The following MYO9B variants were observed in gnomAD, a reference collection of about 807,000 sequenced individuals.
The protein encoded by MYO9B is unconventional myosin-IXb.
A neutral mutation model predicts 229.5 loss-of-function variants in MYO9B; 71 were observed. The observed-to-expected ratio is 0.31, with a 90% CI of 0.26 to 0.38. The LOEUF (loss-of-function observed/expected upper bound fraction) is 0.38. Among genes scored for constraint, MYO9B ranks in the 10% least tolerant of loss-of-function variants. MYO9B has a pLI of 1.00. For synonymous variants in MYO9B, 1,185 were observed against 1,235.8 expected (o/e 0.96, Z 0.86); for missense variants, 2,255 against 2,920.5 (o/e 0.77, Z 5.25).
chr19:17,204,723 T>C lies in MYO9B; in HGVS notation c.4991-540T>C, dbSNP rs1375611396. Reference sequence around the variant, plus strand: ...TTAGCCAGGCACGGTGGTGCACGCCTGTAGTGCCAGCTACTTGGGAGGATC... The same window carrying C: ...TTAGCCAGGCACGGTGGTGCACGCCCGTAGTGCCAGCTACTTGGGAGGATC... On this transcript the variant is annotated intron_variant, in intron 30 of 39. Coordinates refer to ENST00000682292, the MANE Select transcript of MYO9B (RefSeq NM_004145.4). Among the ~76,000 whole-genome samples, 144 of 152,214 alleles carry C rather than the reference T, an allele frequency of 9.5e-4. 1 individual carries two copies. Among genetic ancestry groups the C allele is most frequent in the Non-Finnish European group, 2.1e-4 (14 of 68,012 alleles).
intron 22 of MYO9B, among the ~76,000 whole-genome samples, chr19:17,197,435 G>GATAGATAGATAGATAGATAC (rs1568297828): frequency 6.6e-6 from 1 of 151,456 alleles, no homozygotes; most frequent in Non-Finnish European, 1.5e-5. Flanking sequence ...TAGATAGATA[G>GATAGATAGATAGATAGATAC]ATAGATAGAT....
intron 17 of MYO9B, among the ~76,000 whole-genome samples, chr19:17,185,526 A>G (rs148086623): frequency 0.014 from 2,126 of 151,322 alleles, 46 homozygotes; most frequent in African/African-American, 0.05. Context: ...AGCTTGGGCA[A>G]CAAGAGCAAG....
intron 4 of MYO9B, among the ~76,000 whole-genome samples, chr19:17,152,951 T>C (rs934882968): frequency 1.3e-5 from 2 of 152,266 alleles, no homozygotes; most frequent in South Asian, 2.1e-4. Flanking sequence ...ATCCCCAGTA[T>C]GTGCTCAGAT....
chr19:17,211,953 C>T lies in MYO9B; in HGVS notation c.6117C>T (p.Thr2039=), dbSNP rs1396303260. The part of the protein sequence containing the change: ...PGAPTPSPLP[T]VAAPPRRRPS... ...CGCCCACCCCGAGCCCCCTCCCCAC[C>T]GTGGCCGCCCCTCCACGACGAAGGC... The change falls in exon 40 of 40, where the codon ACC becomes ACT. Residue 2039 remains threonine (T), a synonymous_variant. Coordinates refer to ENST00000682292, the MANE Select transcript of MYO9B (RefSeq NM_004145.4). The T allele has an allele frequency of 5.8e-6, 9 of 1,555,252 alleles. No individual in the cohort carries two copies. Among genetic ancestry groups the T allele is most frequent in the East Asian group, 2.3e-5 (1 of 43,106 alleles).
Position 17,182,888 on chromosome 19 carries a change from C to T in MYO9B, c.2334-941C>T, listed in dbSNP as rs559955208. 3.0e-4 allele frequency among the ~76,000 whole-genome samples: 45 copies of T among 152,246 alleles called. No individual in the cohort carries two copies. In the South Asian group the frequency reaches 9.1e-3, roughly 31 times the overall value. ...AGGTGTCTGAGAACACAGGAGCTAT[C>T]CCCTTCCTTACCTCGGCCAAAAGAG... On this transcript the variant is annotated intron_variant, in intron 15 of 39. Transcript: ENST00000682292.
chr19:17,175,680 GC>G lies in MYO9B; in HGVS notation c.2161del (p.Gln721LysfsTer26). On this transcript the variant is annotated frameshift_variant, in exon 14 of 40. Transcript: ENST00000682292. LOFTEE classifies it high-confidence loss of function. The stretch of plus-strand genomic sequence containing the variant: ...TCCGGCAGGTATGAGCAGCCCTGGT[GC>G]CCAAAGTCACCCAGAAGAGCTGCCA... ...EKAAGMSSPG[A>X]QSHPEELPRG... 1 of 1,575,114 alleles carries G rather than the reference GC, an allele frequency of 6.3e-7. No homozygotes were observed. Among genetic ancestry groups the G allele is most frequent in the South Asian group, 1.2e-5 (1 of 85,534 alleles).
chr19:17,208,338 C>CAA lies in MYO9B; in HGVS notation c.5624+1109_5624+1110dup, dbSNP rs1268847351. ...TGGGCGACAGAGCGAGACTCCGTCTCAAAAAAAAAAAAAAAATCCAGATGG... is the reference window on the plus strand; with the variant it reads ...TGGGCGACAGAGCGAGACTCCGTCTCAAAAAAAAAAAAAAAAAATCCAGATGG... On this transcript the variant is annotated intron_variant, in intron 35 of 39. Transcript: ENST00000682292. Among the ~76,000 whole-genome samples the CAA allele has an allele frequency of 4.1e-3, 206 of 50,770 alleles. 6 individuals carry two copies. Among genetic ancestry groups the CAA allele is most frequent in the African/African-American group, 0.015 (189 of 12,382 alleles). The allele number at this position is 50,770 out of a possible 152,430, so 33.3% of individuals were successfully genotyped here. A position where few individuals can be genotyped will look rare whatever the true frequency, so the allele number is the denominator to read the frequency against.
chr19:17,202,808 G>C lies in MYO9B; in HGVS notation c.4837-34G>C, dbSNP rs758851075. On this transcript the variant is annotated intron_variant, in intron 28 of 39. Coordinates refer to ENST00000682292, the MANE Select transcript of MYO9B (RefSeq NM_004145.4). The stretch of plus-strand genomic sequence containing the variant: ...GTGGGTTGGGGCTCTTCCCAGGGGG[G>C]CCCCCGCCAACCTCCTCCTTGTGTT... The C allele has an allele frequency of 1.9e-6, 3 of 1,566,104 alleles. No homozygotes were observed. In the East Asian group the frequency reaches 7.2e-5, roughly 37 times the overall value.
At chr19:17,188,412 G>A (rs998640569) in intron 19 of MYO9B, among the ~76,000 whole-genome samples, 4 of 131,450 alleles carry the variant, frequency 3.0e-5, no homozygotes, top group African/African-American at 1.2e-4. Flanking sequence ...CTGGGCAACA[G>A]AGCAAGACTC....
intron 1 of MYO9B, among the ~76,000 whole-genome samples, chr19:17,086,242 C>G (rs1490130747): frequency 6.6e-6 from 1 of 152,196 alleles, no homozygotes; most frequent in East Asian, 1.9e-4. Flanking sequence ...CCCATCTCAG[C>G]TTCTCTCTCC....
intron 2 of MYO9B, among the ~76,000 whole-genome samples, chr19:17,129,523 G>C (rs1049829353): frequency 6.6e-6 from 1 of 152,208 alleles, no homozygotes; most frequent in African/African-American, 2.4e-5. Flanking sequence ...GTGGCTAAAC[G>C]TAACCAAACG....
intron 3 of MYO9B, among the ~76,000 whole-genome samples, chr19:17,147,115 C>T (rs1427786869): frequency 1.3e-5 from 2 of 152,232 alleles, no homozygotes; most frequent in African/African-American, 4.8e-5. Context: ...CCCCCCAACT[C>T]CTACCACCTG....
At chr19:17,113,636 G>A (rs904777476) in intron 2 of MYO9B, among the ~76,000 whole-genome samples, 1 of 152,134 alleles carries the variant, frequency 6.6e-6, no homozygotes, top group Non-Finnish European at 1.5e-5. Flanking sequence ...GGTCCCTGAG[G>A]GGGGTGAGCT....
chr19:17,126,079 C>G (rs10419952), intron 2 of MYO9B, among the ~76,000 whole-genome samples: 10,058 of 152,238 alleles, frequency 0.066, 521 homozygotes, highest in African/African-American at 0.13. Context: ...GCATCATCCC[C>G]GACATGGCCC....
chr19:17,182,658 G>A (rs533687308), intron 15 of MYO9B, among the ~76,000 whole-genome samples: 2 of 151,498 alleles, frequency 1.3e-5, no homozygotes, highest in South Asian at 2.1e-4. Context: ...CGCCCACCTC[G>A]GCCTCAAACT....
In MYO9B at chr19:17,101,619, C is replaced by T. The variant is rs2057745150; in HGVS notation, c.-58-41C>T. On this transcript the variant is annotated intron_variant, in intron 1 of 39. Coordinates refer to ENST00000682292, the MANE Select transcript of MYO9B (RefSeq NM_004145.4). The surrounding 1 kb of genome is among the most constrained non-coding windows in gnomAD (Gnocchi z 4.7). ...ACTCCACATGCCCCTTAAACTTCCTCCCACCATTCTGACCATGCCTGGCTC... is the reference window on the plus strand; with the variant it reads ...ACTCCACATGCCCCTTAAACTTCCTTCCACCATTCTGACCATGCCTGGCTC... The T allele has an allele frequency of 2.1e-6, 3 of 1,444,010 alleles. No individual in the cohort carries two copies. The highest frequency in any genetic ancestry group is 2.7e-6 in the Non-Finnish European group (3 of 1,101,848). 89.4% of individuals were successfully genotyped at this position (1,444,010 alleles called of 1,614,324 possible). A position where few individuals can be genotyped will look rare whatever the true frequency, so the allele number is the denominator to read the frequency against.
chr19:17,148,076 C>A (rs757708614), intron 3 of MYO9B, among the ~76,000 whole-genome samples: 119 of 152,184 alleles, frequency 7.8e-4, no homozygotes, highest in Non-Finnish European at 1.1e-3. Flanking sequence ...CACCTCTTAT[C>A]TTTGGTTTTC....
chr19:17,210,440 T>TCCCTGGGG (rs1333134112), intron 37 of MYO9B, 60 bp downstream of exon 37: 3 of 1,501,104 alleles, frequency 2.0e-6, no homozygotes, highest in African/African-American at 1.4e-5. Context: ...ATGCTGGGGT[T>TCCCTGGGG]CCCTGGGGCC....
At position 17,159,385 on chromosome 19, in the gene MYO9B, C is replaced by T. The variant is rs753007296; in HGVS notation, c.1330-10C>T. 2.3e-5 allele frequency: 36 copies of T among 1,597,242 alleles called. No individual in the cohort carries two copies. In the South Asian group the frequency reaches 4.0e-4, roughly 18 times the overall value. Reference sequence around the variant, plus strand: ...CCTTTTCCTTCTCCCTCTCCTTGACCTCCAAACAGGTGAAGCGAGAAATCT... The same window carrying T: ...CCTTTTCCTTCTCCCTCTCCTTGACTTCCAAACAGGTGAAGCGAGAAATCT... On this transcript the variant is annotated splice_polypyrimidine_tract_variant and intron_variant, in intron 7 of 39. Transcript: ENST00000682292.
Sources: gnomAD v4.1 joint callset for allele counts (sites outside exome capture counted in the v4.1 genomes callset) on GRCh38, gnomAD v4.1.1 for gene constraint, Gnocchi (gnomAD v3.1) non-coding constraint, MANE v1.5 for transcripts, NCBI Gene and HGNC (gene_info 2026-07-23, HGNC 2026-07-21) for gene names.